TEX9: variants seen among roughly 807,000 people sequenced by gnomAD.
TEX9 encodes testis-expressed protein 9.
Under a neutral mutation model 59.6 loss-of-function variants are expected in TEX9, and 74 were observed. The ratio of observed to expected loss-of-function variants is 1.24; its 90% CI spans 1.03 to 1.51. TEX9 has a LOEUF of 1.51. Ranked by LOEUF, TEX9 falls within the 40% of genes most tolerant of loss-of-function variation. TEX9 has a pLI of 0.00. For synonymous variants in TEX9, 186 were observed against 152.2 expected, an observed-to-expected ratio of 1.22 and a Z score of -1.64; for missense variants, 522 against 447.8, an observed-to-expected ratio of 1.17 and a Z score of -1.49.
chr15:56,384,504 G>A (rs1169111468), intron 4 of TEX9, among the ~76,000 whole-genome samples: 6 of 152,186 alleles, frequency 3.9e-5, no homozygotes, highest in African/African-American at 1.2e-4. Flanking sequence ...CTGGGTGACC[G>A]TGTGTGGACC....
intron 1 of TEX9, among the ~76,000 whole-genome samples, chr15:56,276,235 A>G (rs184132741): frequency 2.0e-5 from 3 of 152,190 alleles, no homozygotes; most frequent in Non-Finnish European, 4.4e-5. Flanking sequence ...ATAGGTATAC[A>G]TGGGCCATGG....
chr15:56,315,632 G>C (rs1300022827), intron 1 of TEX9, among the ~76,000 whole-genome samples: 2 of 146,398 alleles, frequency 1.4e-5, no homozygotes, highest in Admixed American at 7.0e-5. Context: ...ATGTGTCTTG[G>C]AGTTGCTCTT....
intron 10 of TEX9, among the ~76,000 whole-genome samples, chr15:56,425,814 GAAAA>G (rs2050211241): frequency 6.6e-6 from 1 of 151,982 alleles, no homozygotes; most frequent in South Asian, 2.1e-4. Context: ...ACGGGTGTTT[GAAAA>G]AACAGCCACT....
intron 9 of TEX9, among the ~76,000 whole-genome samples, chr15:56,401,317 A>AAC (rs1349242146): frequency 4.0e-5 from 6 of 148,926 alleles, no homozygotes; most frequent in African/African-American, 1.5e-4. Context: ...GCAAAAAAAA[A>AAC]AAAAAAAAAA....
chr15:56,456,339 C>T, the TEX9 span: 1 of 1,523,354 alleles, frequency 6.6e-7, no homozygotes. Flanking sequence ...CTAAGGATTA[C>T]ATAAGAGTTT....
At chr15:56,313,079 T>A (rs1168018584) in intron 1 of TEX9, among the ~76,000 whole-genome samples, 1 of 150,008 alleles carries the variant, frequency 6.7e-6, no homozygotes, top group Non-Finnish European at 1.5e-5. Flanking sequence ...TATACAATCA[T>A]GTCATCTGCA....
At chr15:56,439,807 A>T (rs2050788985) in intron 12 of TEX9, among the ~76,000 whole-genome samples, 1 of 151,826 alleles carries the variant, frequency 6.6e-6, no homozygotes, top group Admixed American at 6.6e-5. Context: ...CCTTTAGGAA[A>T]AAAAAAAGGA....
intron 3 of TEX9, among the ~76,000 whole-genome samples, chr15:56,381,795 C>A (rs1477008697): frequency 6.6e-6 from 1 of 152,196 alleles, no homozygotes; most frequent in Non-Finnish European, 1.5e-5. Flanking sequence ...GGATTGTGCT[C>A]CGTCAGACCT....
intron 5 of TEX9, 22 bp from the exon 6 acceptor site, chr15:56,389,296 A>G (rs377237972): frequency 1.9e-6 from 3 of 1,582,576 alleles, no homozygotes; most frequent in Admixed American, 1.7e-5. Context: ...ATTAGTCAAT[A>G]CTTTCAATTC....
chr15:56,323,361 G>T (rs2045944613), intron 1 of TEX9: 3 of 174,540 alleles, frequency 1.7e-5, no homozygotes, highest in South Asian at 1.3e-4. Flanking sequence ...AACAAAAAAA[G>T]TTCAAGGAAC....
rs377638059 is a variant in TEX9 at position 56,443,620 on chromosome 15, A to G, written c.*30-2051A>G. 43 of 1,605,618 alleles carry G rather than the reference A, an allele frequency of 2.7e-5. No individual in the cohort carries two copies. The African/African-American group carries it at 5.1e-4, about 19-fold the overall frequency. ...TTTCAGAATTTTACTAGTGTTAAAG[A>G]AGTGGTTATTTTAATACCGCATTCT... On this transcript the variant is annotated intron_variant, in intron 12 of 12. Coordinates refer to ENST00000352903, the Ensembl canonical transcript of TEX9.
chr15:56,252,251 A>C (rs2044039543), intron 1 of TEX9, among the ~76,000 whole-genome samples: 1 of 152,128 alleles, frequency 6.6e-6, no homozygotes, highest in South Asian at 2.1e-4. Flanking sequence ...CCTGACTTCC[A>C]GTACTACAAA....
intron 12 of TEX9, among the ~76,000 whole-genome samples, chr15:56,441,235 T>G (rs1422533295): frequency 2.0e-5 from 3 of 152,150 alleles, no homozygotes; most frequent in Non-Finnish European, 4.4e-5. Context: ...TTAATTCCAC[T>G]GTAGTCAGAA....
At chr15:56,431,239 G>A (rs1259550911) in intron 12 of TEX9, 1 of 961,332 alleles carries the variant, frequency 1.0e-6, no homozygotes, top group Non-Finnish European at 1.5e-6. Flanking sequence ...TCAGTGCCTG[G>A]ACAGGAGGAT....
intron 1 of TEX9, among the ~76,000 whole-genome samples, chr15:56,300,743 G>C (rs1169612369): frequency 3.0e-5 from 4 of 131,972 alleles, no homozygotes; most frequent in African/African-American, 1.1e-4. Context: ...GAGAGAGAGA[G>C]AGACTTCATT....
intron 10 of TEX9, among the ~76,000 whole-genome samples, chr15:56,414,874 C>T (rs541978044): frequency 1.8e-4 from 28 of 151,786 alleles, no homozygotes; most frequent in Middle Eastern, 3.4e-3. Context: ...ATAAGTGTTC[C>T]CTTTTCTCTG....
chr15:56,300,940 C>CTT (rs1264658837), intron 1 of TEX9, among the ~76,000 whole-genome samples: 6 of 152,096 alleles, frequency 3.9e-5, no homozygotes, highest in Non-Finnish European at 1.5e-5. Flanking sequence ...CTCTTAACTG[C>CTT]CCAGACACTG....
At chr15:56,355,609 C>T (rs2046669464) in intron 1 of TEX9, among the ~76,000 whole-genome samples, 1 of 151,982 alleles carries the variant, frequency 6.6e-6, no homozygotes, top group South Asian at 2.1e-4. Flanking sequence ...ATTGTCTTTC[C>T]ATCTAATTTT....
intron 1 of TEX9, among the ~76,000 whole-genome samples, chr15:56,278,101 A>G (rs574326705): frequency 2.6e-5 from 4 of 151,948 alleles, no homozygotes; most frequent in African/African-American, 9.7e-5. Context: ...CAATATTTTT[A>G]TTCAACCTAT....
Sources: allele counts gnomAD v4.1 joint callset (sites outside exome capture counted in the v4.1 genomes callset), GRCh38; gene constraint gnomAD v4.1.1; transcripts MANE v1.5; gene names NCBI Gene and HGNC (gene_info 2026-07-23, HGNC 2026-07-21).